The following SGCD variants were observed in gnomAD, a reference collection of about 807,000 sequenced individuals.
The protein encoded by SGCD is sarcoglycan delta.
Under a neutral mutation model 36.6 loss-of-function variants are expected in SGCD, and 18 were observed. The observed-to-expected ratio is 0.49, with a 90% CI of 0.34 to 0.73. The LOEUF (loss-of-function observed/expected upper bound fraction) is 0.73, where lower values mean the gene tolerates loss of function less well. Among genes scored for constraint, SGCD ranks in the 30% least tolerant of loss-of-function variants. The pLI is 0.01. For missense variants in SGCD, 387 were observed against 346.7 expected (o/e 1.12, Z -0.92); for synonymous variants, 133 against 130.6 (o/e 1.02, Z -0.12).
At position 156,519,100 on chromosome 5, in the gene SGCD, G is replaced by A. The variant is rs1463442132; in HGVS notation, c.294+10398G>A. Among the ~76,000 whole-genome samples, 3 of 151,318 alleles carry A rather than the reference G, an allele frequency of 2.0e-5. 1 individual carries two copies. In the Middle Eastern group the frequency reaches 0.01, roughly 518 times the overall value. ...AAAAAATTAATAAAATAGCTTGCTA[G>A]ACTAATAAGAGAAGAATCAGATAGA... On this transcript the variant is annotated intron_variant, in intron 4 of 8. Coordinates refer to ENST00000337851, the MANE Select transcript of SGCD (RefSeq NM_000337.6).
At chr5:156,677,264 C>G (rs1464751702) in intron 7 of SGCD, among the ~76,000 whole-genome samples, 1 of 152,136 alleles carries the variant, frequency 6.6e-6, no homozygotes. Flanking sequence ...TAGAACCAAC[C>G]CAAAGGTCCA....
At chr5:156,503,935 G>A (rs148219506) in intron 3 of SGCD, among the ~76,000 whole-genome samples, 59 of 152,118 alleles carry the variant, frequency 3.9e-4, no homozygotes, top group Non-Finnish European at 1.5e-5. Flanking sequence ...CAGTCATGGT[G>A]GCTCATGCCT....
chr5:156,361,645 T>G (rs1769799664), intron 3 of SGCD, among the ~76,000 whole-genome samples: 1 of 152,222 alleles, frequency 6.6e-6, no homozygotes, highest in African/African-American at 2.4e-5. Context: ...TTTAAAGGAA[T>G]GACTAATAGA....
chr5:155,901,319 A>G (rs1052936602), intron 1 of SGCD, among the ~76,000 whole-genome samples: 2 of 151,654 alleles, frequency 1.3e-5, no homozygotes, highest in African/African-American at 2.4e-5. Context: ...TCTCAGAGAA[A>G]AAAAAAAAAA....
chr5:155,795,091 G>T, the SGCD span, among the ~76,000 whole-genome samples: 1 of 152,076 alleles, frequency 6.6e-6, no homozygotes, highest in Non-Finnish European at 1.5e-5. Flanking sequence ...ACTTTTTACT[G>T]AGAGTGAAAA....
chr5:156,201,228 A>G (rs1764142499), intron 3 of SGCD, among the ~76,000 whole-genome samples: 1 of 152,210 alleles, frequency 6.6e-6, no homozygotes, highest in South Asian at 2.1e-4. Flanking sequence ...ATTTAATGCT[A>G]TGTAGGTTTT....
intron 3 of SGCD, among the ~76,000 whole-genome samples, chr5:156,284,893 G>T (rs1766552742): frequency 6.6e-6 from 1 of 152,204 alleles, no homozygotes; most frequent in Admixed American, 6.5e-5. Flanking sequence ...GTCCCTGTTT[G>T]CAGATGACAT....
the SGCD span, among the ~76,000 whole-genome samples, chr5:155,859,195 A>T: frequency 6.6e-6 from 1 of 152,068 alleles, no homozygotes; most frequent in Middle Eastern, 3.4e-3. Context: ...TGAGGACTAC[A>T]GGCATGTGCC....
chr5:156,026,952 G>A (rs1343110787), intron 1 of SGCD, among the ~76,000 whole-genome samples: 1 of 152,154 alleles, frequency 6.6e-6, no homozygotes, highest in Non-Finnish European at 1.5e-5. Context: ...TGGTGTTACT[G>A]TGTTTCAATA....
At chr5:156,185,866 G>C (rs879522898) in intron 3 of SGCD, among the ~76,000 whole-genome samples, 5 of 50,532 alleles carry the variant, frequency 9.9e-5, no homozygotes, top group African/African-American at 2.4e-4. Flanking sequence ...GAGAGAGAGA[G>C]AGAGAGAGAG....
rs565672003 is a variant in SGCD at position 155,905,353 on chromosome 5, A to G, written c.-282+34929A>G. Among the ~76,000 whole-genome samples the G allele has an allele frequency of 3.3e-5, 5 of 152,242 alleles. No individual in the cohort carries two copies. The South Asian group carries it at 1.0e-3, about 32-fold the overall frequency. ...GGTATAACCTTAGAAATTATTAGTT[A>G]CTTTTTTTTTGGAGATGTATATTGA... On this transcript the variant is annotated intron_variant, in intron 1 of 9. Transcript: ENST00000517913.
intron 3 of SGCD, among the ~76,000 whole-genome samples, chr5:156,369,838 G>A (rs1017392158): frequency 6.6e-6 from 1 of 152,088 alleles, no homozygotes; most frequent in Non-Finnish European, 1.5e-5. Context: ...ACCTAGGAAG[G>A]CACACCAGAG....
At position 156,712,691 on chromosome 5, in the gene SGCD, G is replaced by A. The variant is rs114870677; in HGVS notation, c.576-44890G>A. Among the ~76,000 whole-genome samples the A allele has an allele frequency of 2.0e-3, 303 of 152,234 alleles. 2 individuals carry two copies. Among genetic ancestry groups the A allele is most frequent in the African/African-American group, 6.9e-3 (285 of 41,548 alleles). ...CTTTTTGCTCCCCAGTTCACGCAGC[G>A]GAGCAAACCCAGGTCTTTGTGGTAC... is the stretch of plus-strand genomic sequence containing the variant. On this transcript the variant is annotated intron_variant, in intron 7 of 8. Coordinates refer to ENST00000337851, the MANE Select transcript of SGCD (RefSeq NM_000337.6).
intron 1 of SGCD, among the ~76,000 whole-genome samples, chr5:155,895,445 T>C (rs1338603097): frequency 6.6e-6 from 1 of 152,190 alleles, no homozygotes; most frequent in Non-Finnish European, 1.5e-5. Context: ...AAGTTCTCTT[T>C]AATGGGCTTA....
intron 3 of SGCD, among the ~76,000 whole-genome samples, chr5:156,423,193 A>ATT (rs1391211985): frequency 2.2e-5 from 1 of 44,786 alleles, no homozygotes; most frequent in African/African-American, 1.1e-4. Flanking sequence ...TATATAATAT[A>ATT]ATATTATATT....
intron 3 of SGCD, among the ~76,000 whole-genome samples, chr5:156,473,872 G>A (rs543230750): frequency 3.3e-5 from 5 of 152,008 alleles, no homozygotes; most frequent in African/African-American, 9.6e-5. Flanking sequence ...CTTGAGTGCT[G>A]TATGTGTCAA....
chr5:156,605,410 A>G (rs921984928), intron 6 of SGCD, among the ~76,000 whole-genome samples: 12 of 151,984 alleles, frequency 7.9e-5, no homozygotes, highest in Non-Finnish European at 1.5e-4. Context: ...ATAGTATTCT[A>G]TGGTATATGT....
intron 7 of SGCD, among the ~76,000 whole-genome samples, chr5:156,741,202 A>G (rs1171933678): frequency 6.6e-6 from 1 of 152,232 alleles, no homozygotes; most frequent in Non-Finnish European, 1.5e-5. Flanking sequence ...TTTGGAAGTG[A>G]TTAATGTAGA....
chr5:156,618,713 C>T (rs958687467), intron 6 of SGCD, among the ~76,000 whole-genome samples: 11 of 152,000 alleles, frequency 7.2e-5, no homozygotes, highest in Admixed American at 2.0e-4. Context: ...GTTTTCCCCT[C>T]GCAAGCTTGA....
Sources: gnomAD v4.1 joint callset for allele counts (sites outside exome capture counted in the v4.1 genomes callset) on GRCh38, gnomAD v4.1.1 for gene constraint, MANE v1.5 for transcripts, NCBI Gene and HGNC (gene_info 2026-07-23, HGNC 2026-07-21) for gene names.